The following TRIM55 variants were observed in gnomAD, a reference collection of about 807,000 sequenced individuals.
TRIM55 encodes tripartite motif-containing protein 55.
In TRIM55, 50 loss-of-function variants were observed where a neutral mutation model predicts 60.9. That is an observed-to-expected ratio of 0.82 (90% CI 0.65 to 1.04). The LOEUF is 1.04. TRIM55 is among the 50% of genes least tolerant of loss of function. The probability of loss-of-function intolerance (pLI) is 0.00; values close to 1 mark genes in which losing one functional copy is unlikely to be tolerated. For missense variants in TRIM55, 681 were observed against 666.9 expected (o/e 1.02, Z -0.23); for synonymous variants, 237 against 238.1 (o/e 1.00, Z 0.04).
At chr8:66,158,661 G>T (rs563550533) in intron 9 of TRIM55, among the ~76,000 whole-genome samples, 2 of 152,194 alleles carry the variant, frequency 1.3e-5, no homozygotes, top group Non-Finnish European at 2.9e-5. Context: ...TTTTCATTGG[G>T]AGGGTTATGG....
chr8:66,158,874 T>C (rs1810895254), intron 9 of TRIM55, among the ~76,000 whole-genome samples: 1 of 152,216 alleles, frequency 6.6e-6, no homozygotes, highest in Admixed American at 6.5e-5. Context: ...CTCCTTCAGA[T>C]TCCATGAACT....
intron 9 of TRIM55, among the ~76,000 whole-genome samples, chr8:66,168,670 G>A (rs1811455281): frequency 6.6e-6 from 1 of 152,210 alleles, no homozygotes; most frequent in Non-Finnish European, 1.5e-5. Context: ...CATTTAACAT[G>A]CATTGGTAAC....
intron 9 of TRIM55, among the ~76,000 whole-genome samples, chr8:66,159,945 A>G (rs546020291): frequency 6.6e-6 from 1 of 152,272 alleles, no homozygotes; most frequent in South Asian, 2.1e-4. Flanking sequence ...TATCAGATAG[A>G]TGTTTTGCAA....
At chr8:66,135,718 A>C (rs113103806) in intron 3 of TRIM55, among the ~76,000 whole-genome samples, 2,206 of 152,210 alleles carry the variant, frequency 0.014, 65 homozygotes, top group African/African-American at 0.051. Flanking sequence ...CCAGTTGCCT[A>C]AAAACCCCTC....
chr8:66,140,590 C>T lies in TRIM55; in HGVS notation c.603+3400C>T, dbSNP rs116924045. 9.2e-3 allele frequency among the ~76,000 whole-genome samples: 1,397 copies of T among 152,336 alleles called. 9 individuals are homozygous for T. Among genetic ancestry groups the T allele is most frequent in the Non-Finnish European group, 0.016 (1,118 of 68,012 alleles). Reference sequence around the variant, plus strand: ...GATGGCCACCCTGTGCATCTGTCATCGCTGGGGTGATCTCCCAGAGCCAGT... The same window carrying T: ...GATGGCCACCCTGTGCATCTGTCATTGCTGGGGTGATCTCCCAGAGCCAGT... On this transcript the variant is annotated intron_variant, in intron 4 of 9. Coordinates refer to ENST00000315962, the MANE Select transcript of TRIM55 (RefSeq NM_184085.2).
In TRIM55 at chr8:66,149,681, A is replaced by G; in HGVS notation, c.640A>G (p.Lys214Glu). 6.2e-7 allele frequency: 1 copy of G among 1,614,186 alleles called. No individual in the cohort carries two copies. The highest frequency in any genetic ancestry group is 8.5e-7 in the Non-Finnish European group (1 of 1,179,996). Reference sequence around the variant, plus strand: ...AAAACAGAAACAAGAGCTTTGTGAGAAGTTTGATTACCTGTATGGCATTTT... The same window carrying G: ...AAAACAGAAACAAGAGCTTTGTGAGGAGTTTGATTACCTGTATGGCATTTT... ...CRKQKQELCE[K>E]FDYLYGILEE... The change falls in exon 5 of 10, where the codon AAG becomes GAG. Residue 214 changes from lysine (K) to glutamate (E), a missense_variant. Coordinates refer to ENST00000315962, the MANE Select transcript of TRIM55 (RefSeq NM_184085.2).
chr8:66,171,811 C>T (rs1304714773), intron 9 of TRIM55, among the ~76,000 whole-genome samples: 1 of 152,168 alleles, frequency 6.6e-6, no homozygotes, highest in Non-Finnish European at 1.5e-5. Flanking sequence ...ACTCATTCTT[C>T]CTTTATGAGG....
chr8:66,162,193 T>C (rs1811091371), intron 9 of TRIM55, among the ~76,000 whole-genome samples: 1 of 152,154 alleles, frequency 6.6e-6, no homozygotes, highest in African/African-American at 2.4e-5. Context: ...GGTATGTCCC[T>C]TCTATGCTAA....
intron 8 of TRIM55, among the ~76,000 whole-genome samples, chr8:66,153,209 A>G (rs1001895320): frequency 1.3e-5 from 2 of 152,204 alleles, no homozygotes; most frequent in African/African-American, 2.4e-5. Context: ...TGAGCAAACA[A>G]TGAAGCCTGG....
chr8:66,142,832 G>A (rs1413895358), intron 4 of TRIM55, among the ~76,000 whole-genome samples: 1 of 152,200 alleles, frequency 6.6e-6, no homozygotes, highest in East Asian at 1.9e-4. Context: ...TAGTTTATCT[G>A]TCCCCTTTCT....
the TRIM55 span, among the ~76,000 whole-genome samples, chr8:66,119,076 T>C: frequency 3.7e-4 from 56 of 152,244 alleles, no homozygotes; most frequent in African/African-American, 1.1e-3. Flanking sequence ...CCTGAAAGTC[T>C]TGGTCCACTG....
intron 4 of TRIM55, among the ~76,000 whole-genome samples, chr8:66,147,270 G>A (rs1810142904): frequency 6.6e-6 from 1 of 152,226 alleles, no homozygotes; most frequent in South Asian, 2.1e-4. Flanking sequence ...GTGGATGACA[G>A]TGGTAAGGCA....
chr8:66,151,395 CT>C (rs1262144456), intron 7 of TRIM55, among the ~76,000 whole-genome samples: 6 of 152,164 alleles, frequency 3.9e-5, no homozygotes. Context: ...GCTAGCCCAC[CT>C]AGATGATCAC....
rs201872037 is a variant in TRIM55, at chr8:66,150,361, G to A, written c.880G>A (p.Ala294Thr). 3.7e-6 allele frequency: 6 copies of A among 1,614,152 alleles called. No homozygotes were observed. In the East Asian group the frequency reaches 1.3e-4, roughly 36 times the overall value. Reference sequence around the variant, plus strand: ...TTGCAGAATCTCGGAAGCATCAAAGGCATTTCAGATGGAGAAAATAGAACA... The same window carrying A: ...TTGCAGAATCTCGGAAGCATCAAAGACATTTCAGATGGAGAAAATAGAACA... ...LLKKISEASKAFQMEKIEHGY... is the reference protein window; with the variant it reads ...LLKKISEASKTFQMEKIEHGY... Residue 294 changes from alanine (A) to threonine (T), a missense_variant, in exon 7 of 10, where the codon GCA (alanine) becomes ACA (threonine). Coordinates refer to ENST00000315962, the MANE Select transcript of TRIM55 (RefSeq NM_184085.2).
At chr8:66,122,492 C>A (rs1808670211), upstream of TRIM55, among the ~76,000 whole-genome samples, 2 of 152,168 alleles carry the variant, frequency 1.3e-5, no homozygotes, top group Admixed American at 1.3e-4. Context: ...ACCTTGGGCA[C>A]ACGTCGTTAG....
chr8:66,128,429 C>G lies in TRIM55; in HGVS notation c.294C>G (p.Asn98Lys). 1.2e-6 allele frequency: 2 copies of G among 1,613,630 alleles called. No individual in the cohort carries two copies. Among genetic ancestry groups the G allele is most frequent in the Non-Finnish European group, 1.7e-6 (2 of 1,179,836 alleles). ...ATGGGGTATATGGACTTCAGAGGAA[C>G]CTGCTGGTGGAAAATATCATTGACA... The part of the protein sequence containing the change: ...DRHGVYGLQR[N>K]LLVENIIDIY... The change falls in exon 2 of 10, where the codon AAC becomes AAG. Residue 98 changes from asparagine (N) to lysine (K), a missense_variant. Transcript: ENST00000315962.
the TRIM55 span, among the ~76,000 whole-genome samples, chr8:66,115,977 A>T: frequency 6.6e-6 from 1 of 152,212 alleles, no homozygotes; most frequent in South Asian, 2.1e-4. Context: ...AGATTCGGAC[A>T]CATTTCAGCA....
the TRIM55 span, among the ~76,000 whole-genome samples, chr8:66,119,804 C>T: frequency 2.6e-5 from 4 of 152,186 alleles, no homozygotes; most frequent in Non-Finnish European, 5.9e-5. Context: ...TAACCACTAT[C>T]CACATGTGGA....
intron 4 of TRIM55, among the ~76,000 whole-genome samples, chr8:66,138,521 C>G (rs1809615493): frequency 6.6e-6 from 1 of 152,162 alleles, no homozygotes; most frequent in African/African-American, 2.4e-5. Context: ...TCCTGAGTAG[C>G]TGGGATTACA....
Sources: gnomAD v4.1 joint callset for allele counts (sites outside exome capture counted in the v4.1 genomes callset) on GRCh38, gnomAD v4.1.1 for gene constraint, MANE v1.5 for transcripts, NCBI Gene and HGNC (gene_info 2026-07-23, HGNC 2026-07-21) for gene names.